PPP2R2D: variants seen among roughly 807,000 people sequenced by gnomAD.
PPP2R2D encodes serine/threonine-protein phosphatase 2A 55 kDa regulatory subunit B delta isoform.
PPP2R2D carries 9 observed loss-of-function variants against 31.1 expected under a neutral mutation model. That is an observed-to-expected ratio of 0.29 (90% CI 0.17 to 0.51). PPP2R2D has a LOEUF of 0.51. Ranked by LOEUF, PPP2R2D falls within the 20% of genes least tolerant of loss-of-function variation. PPP2R2D has a pLI of 0.98. For synonymous variants in PPP2R2D, 179 were observed against 172.6 expected, an observed-to-expected ratio of 1.04 and a Z score of -0.29; for missense variants, 391 against 465.6, an observed-to-expected ratio of 0.84 and a Z score of 1.48.
In PPP2R2D at chr10:131,956,415, A is replaced by C. The variant is rs1174512568; in HGVS notation, c.*452A>C. On this transcript the variant is annotated 3_prime_UTR_variant, in exon 9 of 9. Coordinates refer to ENST00000455566, the MANE Select transcript of PPP2R2D (RefSeq NM_018461.5). ...GTCCTCTCGGCCTTCCTCCGAGTCC[A>C]GGTGGACTCTGTGGATGTGTGGATG... is the stretch of plus-strand genomic sequence containing the variant. The C allele has an allele frequency of 4.1e-6, 4 of 985,784 alleles. No individual in the cohort carries two copies. Among genetic ancestry groups the C allele is most frequent in the Non-Finnish European group, 4.8e-6 (4 of 830,304 alleles). 61.1% of individuals were successfully genotyped at this position (985,784 alleles called of 1,614,324 possible). A position where few individuals can be genotyped will look rare whatever the true frequency, so the allele number is the denominator to read the frequency against.
intron 2 of PPP2R2D, among the ~76,000 whole-genome samples, chr10:131,920,783 G>T (rs1554894134): frequency 1.3e-5 from 2 of 152,156 alleles, no homozygotes; most frequent in Non-Finnish European, 2.9e-5. Flanking sequence ...ACAAAAATTT[G>T]CTGGGCACAG....
At chr10:131,948,043 G>T (rs973220404) in intron 8 of PPP2R2D, among the ~76,000 whole-genome samples, 3 of 152,356 alleles carry the variant, frequency 2.0e-5, no homozygotes, top group Non-Finnish European at 2.9e-5. Context: ...GGCCGGCTAT[G>T]TGTTAAATGC....
Position 131,945,739 on chromosome 10 carries a change from C to CCGCACCTGGT in PPP2R2D, c.820+282_820+291dup. The CCGCACCTGGT allele has an allele frequency of 2.7e-6, 1 of 365,308 alleles. No homozygotes were observed. The allele number at this position is 365,308 out of a possible 1,614,324, so 22.6% of individuals were successfully genotyped here. On this transcript the variant is annotated intron_variant, in intron 7 of 8. Transcript: ENST00000455566. The surrounding 1 kb of genome is among the most constrained non-coding windows in gnomAD (Gnocchi z 4.8). ...GTGCTGGGATTACAGGTGTGAGTCA[C>CCGCACCTGGT]CGCACCTGGTCACGCCTGGCGTCTT...
chr10:131,963,276 T>C (rs1360645392), downstream of PPP2R2D, among the ~76,000 whole-genome samples: 1 of 152,238 alleles, frequency 6.6e-6, no homozygotes, highest in Non-Finnish European at 1.5e-5. Flanking sequence ...CCTAAATATC[T>C]GAACACAGTG....
At position 131,958,677 on chromosome 10, in the gene PPP2R2D, C is replaced by G; in HGVS notation, c.*2714C>G. 1 of 255,718 alleles carries G rather than the reference C, an allele frequency of 3.9e-6. No individual in the cohort carries two copies. The highest frequency in any genetic ancestry group is 3.7e-5 in the South Asian group (1 of 26,884). The allele number at this position is 255,718 out of a possible 1,614,324, so 15.8% of individuals were successfully genotyped here. On this transcript the variant is annotated 3_prime_UTR_variant, in exon 9 of 9. Coordinates refer to ENST00000455566, the MANE Select transcript of PPP2R2D (RefSeq NM_018461.5). Reference sequence around the variant, plus strand: ...CCCCCTGTGGAGATGAAGATGTGTGCTGATCCCCCGTCCTCCTGTGGAGAT... The same window carrying G: ...CCCCCTGTGGAGATGAAGATGTGTGGTGATCCCCCGTCCTCCTGTGGAGAT...
intron 2 of PPP2R2D, among the ~76,000 whole-genome samples, chr10:131,902,274 T>A (rs1368314417): frequency 6.6e-6 from 1 of 152,236 alleles, no homozygotes; most frequent in East Asian, 1.9e-4. Context: ...TAAAAATGAT[T>A]GGTGTTTGCA....
chr10:131,936,256 G>A (rs549962750), intron 3 of PPP2R2D, among the ~76,000 whole-genome samples: 8 of 151,386 alleles, frequency 5.3e-5, no homozygotes, highest in Non-Finnish European at 7.4e-5. Flanking sequence ...TAAGTGGTTC[G>A]CCCTGACTCA....
intron 2 of PPP2R2D, among the ~76,000 whole-genome samples, chr10:131,924,052 A>G (rs1442612492): frequency 6.6e-6 from 1 of 152,180 alleles, no homozygotes; most frequent in Non-Finnish European, 1.5e-5. Flanking sequence ...TTCTTCAGGT[A>G]TTCTGGATAC....
intron 2 of PPP2R2D, among the ~76,000 whole-genome samples, chr10:131,924,824 A>AT (rs59367429): frequency 0.28 from 42,456 of 149,330 alleles, 6,028 homozygotes; most frequent in East Asian, 0.44. Flanking sequence ...CAGGTCTTTA[A>AT]TTTTTTTTTT....
intron 2 of PPP2R2D, among the ~76,000 whole-genome samples, chr10:131,914,548 A>G (rs1397396588): frequency 6.6e-6 from 1 of 152,206 alleles, no homozygotes; most frequent in African/African-American, 2.4e-5. Flanking sequence ...CATTTCAGAA[A>G]GATGTGCACT....
intron 8 of PPP2R2D, among the ~76,000 whole-genome samples, chr10:131,953,916 C>T (rs895129661): frequency 1.3e-5 from 2 of 152,146 alleles, no homozygotes; most frequent in Non-Finnish European, 1.5e-5. Context: ...TTCCCAGTAA[C>T]ATTTGCTTAG....
chr10:131,917,136 G>A (rs1330225098), intron 2 of PPP2R2D, among the ~76,000 whole-genome samples: 2 of 148,156 alleles, frequency 1.3e-5, no homozygotes, highest in Admixed American at 6.7e-5. Flanking sequence ...CACGTGGGTG[G>A]AATGACACAG....
rs1443153257 is a variant in PPP2R2D, at chr10:131,956,707, C to G, written c.*744C>G. The G allele has an allele frequency of 2.6e-6, 1 of 378,344 alleles. No homozygotes were observed. Among genetic ancestry groups the G allele is most frequent in the Non-Finnish European group, 3.6e-6 (1 of 275,160 alleles). 23.4% of individuals were successfully genotyped at this position (378,344 alleles called of 1,614,324 possible). On this transcript the variant is annotated 3_prime_UTR_variant, in exon 9 of 9. Transcript: ENST00000455566. ...CCCCAAGCTGCTGCCCGCTGTGTTT[C>G]TGTAGAAGTAGCCCATCAGATACAC... is the stretch of plus-strand genomic sequence containing the variant.
chr10:131,913,309 T>C (rs2035714839), intron 2 of PPP2R2D, among the ~76,000 whole-genome samples: 1 of 151,838 alleles, frequency 6.6e-6, no homozygotes, highest in Admixed American at 6.6e-5. Context: ...GGGATTACAG[T>C]TGTGAGCCAC....
Position 131,956,022 on chromosome 10 carries a change from C to A in PPP2R2D, c.*59C>A. On this transcript the variant is annotated 3_prime_UTR_variant, in exon 9 of 9. Transcript: ENST00000455566. Reference sequence around the variant, plus strand: ...ATAGTTAAGCCGGACATTTTTCTGTCAGAGAAAAGGCATCATTGTCCGCTC... The same window carrying A: ...ATAGTTAAGCCGGACATTTTTCTGTAAGAGAAAAGGCATCATTGTCCGCTC... The A allele has an allele frequency of 1.5e-6, 2 of 1,377,936 alleles. No homozygotes were observed. Among genetic ancestry groups the A allele is most frequent in the Non-Finnish European group, 1.9e-6 (2 of 1,056,636 alleles). The allele number at this position is 1,377,936 out of a possible 1,614,324, so 85.4% of individuals were successfully genotyped here.
At chr10:131,901,556 A>G (rs2035496472) in intron 2 of PPP2R2D, among the ~76,000 whole-genome samples, 3 of 151,952 alleles carry the variant, frequency 2.0e-5, no homozygotes, top group Non-Finnish European at 4.4e-5. Flanking sequence ...CCGCGGCGGG[A>G]CTTATGTAAG....
At chr10:131,933,191 C>G (rs1311019757) in intron 2 of PPP2R2D, among the ~76,000 whole-genome samples, 1 of 152,172 alleles carries the variant, frequency 6.6e-6, no homozygotes, top group African/African-American at 2.4e-5. Flanking sequence ...GTGAGGCCAG[C>G]GAACAGTGCC....
intron 3 of PPP2R2D, among the ~76,000 whole-genome samples, chr10:131,935,818 A>G (rs11146202): frequency 0.27 from 41,497 of 152,010 alleles, 5,769 homozygotes; most frequent in East Asian, 0.45. Flanking sequence ...AATCCCAGCA[A>G]TTTGGGAGGC....
intron 2 of PPP2R2D, among the ~76,000 whole-genome samples, chr10:131,931,428 A>G (rs1274808806): frequency 6.6e-6 from 1 of 152,106 alleles, no homozygotes; most frequent in Non-Finnish European, 1.5e-5. Context: ...GCTTCCTGCA[A>G]TCCCCACCTC....
Sources: allele counts gnomAD v4.1 joint callset (sites outside exome capture counted in the v4.1 genomes callset), GRCh38; gene constraint gnomAD v4.1.1; non-coding constraint Gnocchi (gnomAD v3.1); transcripts MANE v1.5; gene names NCBI Gene and HGNC (gene_info 2026-07-23, HGNC 2026-07-21).